Variants in PHC2 observed in about 807,000 individuals in gnomAD.
PHC2 encodes polyhomeotic homolog 2, also known as polyhomeotic-like protein 2.
PHC2 carries 29 observed loss-of-function variants against 87.4 expected under a neutral mutation model. That is an observed-to-expected ratio of 0.33 (90% CI 0.25 to 0.45). The LOEUF is 0.45. PHC2 is among the 20% of genes least tolerant of loss of function. The probability of loss-of-function intolerance (pLI) is 1.00; values close to 1 mark genes in which losing one functional copy is unlikely to be tolerated. For missense variants in PHC2, 857 were observed against 1,136.7 expected, an observed-to-expected ratio of 0.75 and a Z score of 3.54; for synonymous variants, 438 against 461.7, an observed-to-expected ratio of 0.95 and a Z score of 0.66.
At chr1:33,347,038 C>T (rs765668932) in intron 9 of PHC2, 65 of 985,318 alleles carry the variant, frequency 6.6e-5, no homozygotes, top group Non-Finnish European at 7.5e-5. Context: ...CCCTCTCCCC[C>T]TGAAAGATCA....
chr1:33,410,016 G>A (rs1047949168), intron 1 of PHC2, among the ~76,000 whole-genome samples: 1 of 152,162 alleles, frequency 6.6e-6, no homozygotes, highest in African/African-American at 2.4e-5. Flanking sequence ...TGAATATTTA[G>A]TAGTTTTGTA....
intron 1 of PHC2, among the ~76,000 whole-genome samples, chr1:33,404,567 C>T (rs1319342941): frequency 6.6e-6 from 1 of 152,104 alleles, no homozygotes; most frequent in Admixed American, 6.6e-5. Context: ...TAAATTGTTT[C>T]TGATTTTTCT....
chr1:33,404,189 T>A (rs1391537317), intron 1 of PHC2, among the ~76,000 whole-genome samples: 1 of 152,210 alleles, frequency 6.6e-6, no homozygotes, highest in African/African-American at 2.4e-5. Context: ...ATATTCCTTC[T>A]CAGTGAATGG....
At position 33,332,290 on chromosome 1, in the gene PHC2, C is replaced by T. The variant is rs1570445496; in HGVS notation, c.1876G>A (p.Glu626Lys). 1.2e-6 allele frequency: 2 copies of T among 1,614,136 alleles called. No homozygotes were observed. Among genetic ancestry groups the T allele is most frequent in the Non-Finnish European group, 1.7e-6 (2 of 1,180,002 alleles). Residue 626 changes from glutamate (E) to lysine (K), a missense_variant, in exon 11 of 15, where the codon GAG becomes AAG. Physicochemically the swap from Glu to Lys is moderately conservative, Grantham distance 56 (BLOSUM62 1). Coordinates refer to ENST00000683057, the MANE Select transcript of PHC2 (RefSeq NM_001385109.1). The surrounding 1 kb of genome is among the most constrained non-coding windows in gnomAD (Gnocchi z 4.2). ...AGATGCCCACCTTGCAGATAGGGCTCCTCCATCTCCGAGTCAGTGGTGGTG... is the reference window on the plus strand; with the variant it reads ...AGATGCCCACCTTGCAGATAGGGCTTCTCCATCTCCGAGTCAGTGGTGGTG... ...HTTTTDSEME[E>K]PYLQESKEEG...
intron 2 of PHC2, among the ~76,000 whole-genome samples, chr1:33,374,009 CA>C (rs1257153217): frequency 3.9e-5 from 6 of 152,196 alleles, no homozygotes; most frequent in Non-Finnish European, 7.3e-5. Context: ...ATGTTGCCCC[CA>C]GATTCCACTC....
Position 33,363,688 on chromosome 1 carries a change from C to T in PHC2, c.976+3428G>A, listed in dbSNP as rs926285634. The T allele has an allele frequency of 9.6e-6, 9 of 932,772 alleles. No individual in the cohort carries two copies. The African/African-American group carries it at 1.4e-4, about 15-fold the overall frequency. 57.8% of individuals were successfully genotyped at this position (932,772 alleles called of 1,614,324 possible). A position where few individuals can be genotyped will look rare whatever the true frequency, so the allele number is the denominator to read the frequency against. On this transcript the variant is annotated intron_variant, in intron 7 of 14. Transcript: ENST00000683057. ...CTGGCTTTTCAACAACCCGACAGTT[C>T]CCTTTTATCACAGCATATCCCTCCC...
At chr1:33,394,876 G>A (rs1649232371) in intron 1 of PHC2, among the ~76,000 whole-genome samples, 1 of 152,128 alleles carries the variant, frequency 6.6e-6, no homozygotes, top group South Asian at 2.1e-4. Context: ...AGCCAAAACA[G>A]CGTTTTTAAA....
intron 9 of PHC2, among the ~76,000 whole-genome samples, chr1:33,352,085 T>A (rs1021981921): frequency 6.6e-6 from 1 of 151,990 alleles, no homozygotes; most frequent in Admixed American, 6.5e-5. Context: ...TGTTTGTATA[T>A]CACCATGATT....
chr1:33,339,972 A>G (rs1345897463), intron 9 of PHC2, among the ~76,000 whole-genome samples: 1 of 152,228 alleles, frequency 6.6e-6, no homozygotes, highest in Non-Finnish European at 1.5e-5. Context: ...CTGTACTAAC[A>G]TCTGCAACAG....
chr1:33,351,791 A>G (rs1646977320), intron 9 of PHC2, among the ~76,000 whole-genome samples: 1 of 152,014 alleles, frequency 6.6e-6, no homozygotes, highest in African/African-American at 2.4e-5. Context: ...GTCTCTACTA[A>G]AAGTACAAAA....
At chr1:33,415,284 T>C (rs1007556468) in intron 1 of PHC2, among the ~76,000 whole-genome samples, 4 of 152,210 alleles carry the variant, frequency 2.6e-5, no homozygotes, top group African/African-American at 7.2e-5. Flanking sequence ...TCAAGACTAC[T>C]GGAAGGGAGC....
At chr1:33,337,619 G>A (rs572757746) in intron 9 of PHC2, among the ~76,000 whole-genome samples, 2 of 152,336 alleles carry the variant, frequency 1.3e-5, no homozygotes, top group South Asian at 4.1e-4. Context: ...GTGAAAGGCA[G>A]TGCGTGCTAG....
chr1:33,408,176 A>C (rs1649838533), intron 1 of PHC2, among the ~76,000 whole-genome samples: 1 of 152,214 alleles, frequency 6.6e-6, no homozygotes, highest in African/African-American at 2.4e-5. Flanking sequence ...CTGGAAGTGA[A>C]AGTTTCTGGA....
intron 1 of PHC2, among the ~76,000 whole-genome samples, chr1:33,412,952 TTTTTG>T (rs955875521): frequency 1.4e-4 from 22 of 151,982 alleles, no homozygotes; most frequent in African/African-American, 3.1e-4. Flanking sequence ...ACTTGTTTTT[TTTTTG>T]TTTGTTTGTT....
At chr1:33,428,332 G>A (rs1258106482) in intron 1 of PHC2, among the ~76,000 whole-genome samples, 2 of 152,168 alleles carry the variant, frequency 1.3e-5, no homozygotes, top group Admixed American at 6.5e-5. Context: ...CTTAAATACC[G>A]CCCATGATTT....
rs1450945274 is a variant in PHC2, at chr1:33,364,540, GTGC to G, written c.976+2573_976+2575del. Among the ~76,000 whole-genome samples, 1 of 152,184 alleles carries G rather than the reference GTGC, an allele frequency of 6.6e-6. No homozygotes were observed. Among genetic ancestry groups the G allele is most frequent in the Non-Finnish European group, 1.5e-5 (1 of 68,040 alleles). ...CAGGGAACTGTATAGCCCAAGACAG[GTGC>G]TGCTCCTGGCTGCCGTGCACTAGGT... On this transcript the variant is annotated intron_variant, in intron 7 of 14. Transcript: ENST00000683057. The surrounding 1 kb of genome is among the most constrained non-coding windows in gnomAD (Gnocchi z 4.1).
chr1:33,337,844 T>C (rs1407905896), intron 9 of PHC2, among the ~76,000 whole-genome samples: 1 of 152,244 alleles, frequency 6.6e-6, no homozygotes, highest in East Asian at 1.9e-4. Flanking sequence ...GGTGTAGTCA[T>C]GTAAGAGATC....
chr1:33,328,113 T>A (rs1355045105), intron 14 of PHC2, among the ~76,000 whole-genome samples: 2 of 152,104 alleles, frequency 1.3e-5, no homozygotes, highest in African/African-American at 4.8e-5. Context: ...GGTGTATGAG[T>A]GAGACTGGCA....
At chr1:33,325,937 C>T (rs1383218969) in intron 14 of PHC2, 3 of 455,878 alleles carry the variant, frequency 6.6e-6, no homozygotes, top group Non-Finnish European at 1.3e-5. Flanking sequence ...AGTCTCATGG[C>T]CTTTAGGGAA....
Sources: allele counts gnomAD v4.1 joint callset (sites outside exome capture counted in the v4.1 genomes callset), GRCh38; gene constraint gnomAD v4.1.1; non-coding constraint Gnocchi (gnomAD v3.1); transcripts MANE v1.5; gene names NCBI Gene and HGNC (gene_info 2026-07-23, HGNC 2026-07-21).